Variants in LSAMP observed in about 807,000 individuals in gnomAD.
The protein encoded by LSAMP is limbic system-associated membrane protein.
LSAMP carries 7 observed loss-of-function variants against 38.6 expected under a neutral mutation model. The observed-to-expected ratio is 0.18, with a 90% CI of 0.10 to 0.34. LSAMP has a LOEUF of 0.34. Among genes scored for constraint, LSAMP ranks in the 10% least tolerant of loss-of-function variants. The pLI is 1.00. For synonymous variants in LSAMP, 154 were observed against 166.8 expected (o/e 0.92, Z 0.59); for missense variants, 313 against 420.0 (o/e 0.75, Z 2.23).
chr3:116,259,718 T>G (rs1441466532), intron 1 of LSAMP, among the ~76,000 whole-genome samples: 1 of 152,034 alleles, frequency 6.6e-6, no homozygotes, highest in East Asian at 1.9e-4. Flanking sequence ...CAAAAATATG[T>G]TTATCTCCTA....
intron 1 of LSAMP, among the ~76,000 whole-genome samples, chr3:116,278,478 G>A (rs1206142864): frequency 6.6e-6 from 1 of 152,172 alleles, no homozygotes; most frequent in Non-Finnish European, 1.5e-5. Flanking sequence ...AATTCAGTTG[G>A]GAGAAATAAA....
rs76766646 is a variant in LSAMP at position 115,962,134 on chromosome 3, G to A, written c.514+57381C>T. Among the ~76,000 whole-genome samples the A allele has an allele frequency of 4.0e-3, 605 of 152,238 alleles. 7 individuals carry two copies. The highest frequency in any genetic ancestry group is 0.014 in the African/African-American group (577 of 41,536). ...ACCTTAATGATCGACTTGCCCAACTGCACAGCTGACGTTTGAATTAGAACT... is the reference window on the plus strand; with the variant it reads ...ACCTTAATGATCGACTTGCCCAACTACACAGCTGACGTTTGAATTAGAACT... On this transcript the variant is annotated intron_variant, in intron 3 of 6. Coordinates refer to ENST00000490035, the MANE Select transcript of LSAMP (RefSeq NM_002338.5).
At position 116,177,773 on chromosome 3, in the gene LSAMP, C is replaced by G. The variant is rs191502149; in HGVS notation, c.156-91217G>C. On this transcript the variant is annotated intron_variant, in intron 1 of 6. Coordinates refer to ENST00000490035, the MANE Select transcript of LSAMP (RefSeq NM_002338.5). ...GTCAAACTCAGGAAAAGTAGTCACC[C>G]CTTCATTTAGCATTTATTGAGCACC... Among the ~76,000 whole-genome samples the G allele has an allele frequency of 8.5e-5, 13 of 152,170 alleles. 1 individual carries two copies. In the East Asian group the frequency reaches 2.3e-3, roughly 27 times the overall value.
intron 1 of LSAMP, among the ~76,000 whole-genome samples, chr3:116,430,770 G>C (rs2049270267): frequency 6.6e-6 from 1 of 151,820 alleles, no homozygotes; most frequent in Non-Finnish European, 1.5e-5. Context: ...ATTGATAGGG[G>C]GATACTTAGA....
chr3:116,184,658 G>C (rs990973132), intron 1 of LSAMP, among the ~76,000 whole-genome samples: 2 of 151,894 alleles, frequency 1.3e-5, no homozygotes, highest in African/African-American at 4.8e-5. Context: ...CTTCAGATAC[G>C]ATTGCTTGCT....
chr3:116,221,020 G>C (rs2046277997), intron 1 of LSAMP, among the ~76,000 whole-genome samples: 1 of 151,868 alleles, frequency 6.6e-6, no homozygotes, highest in African/African-American at 2.4e-5. Context: ...CGGCGTGGTG[G>C]CGGGCGCCTG....
At position 116,112,275 on chromosome 3, in the gene LSAMP, TAATA is replaced by T. The variant is rs1419681121; in HGVS notation, c.156-25723_156-25720del. 7.9e-5 allele frequency among the ~76,000 whole-genome samples: 12 copies of T among 152,260 alleles called. No individual in the cohort carries two copies. In the South Asian group the frequency reaches 2.5e-3, roughly 32 times the overall value. On this transcript the variant is annotated intron_variant, in intron 1 of 6. Coordinates refer to ENST00000490035, the MANE Select transcript of LSAMP (RefSeq NM_002338.5). ...TAATCAAAACCAATCATGTTTTTAATAATAAAGAGTATGATTGTGTGCACCTCAA... is the reference window on the plus strand; with the variant it reads ...TAATCAAAACCAATCATGTTTTTAATAAGAGTATGATTGTGTGCACCTCAA...
chr3:116,116,681 C>T (rs972998062), intron 1 of LSAMP, among the ~76,000 whole-genome samples: 1 of 151,840 alleles, frequency 6.6e-6, no homozygotes, highest in African/African-American at 2.4e-5. Flanking sequence ...CGCGCCACTG[C>T]ACTCCAGTCT....
chr3:116,090,915 A>G (rs1168407744), intron 1 of LSAMP, among the ~76,000 whole-genome samples: 1 of 152,182 alleles, frequency 6.6e-6, no homozygotes, highest in Non-Finnish European at 1.5e-5. Context: ...ATTGCTAATG[A>G]AGTTTCGGGC....
At chr3:116,263,537 C>CAA (rs201229887) in intron 1 of LSAMP, among the ~76,000 whole-genome samples, 37 of 111,974 alleles carry the variant, frequency 3.3e-4, no homozygotes, top group East Asian at 1.0e-3. Context: ...GACTTTGTCT[C>CAA]AAAAAAAAAA....
At chr3:116,437,220 A>G (rs1355711835) in intron 1 of LSAMP, among the ~76,000 whole-genome samples, 1 of 151,984 alleles carries the variant, frequency 6.6e-6, no homozygotes, top group Non-Finnish European at 1.5e-5. Context: ...ATGAGGACAC[A>G]AAGGCATAAG....
At chr3:116,239,673 G>A (rs922568113) in intron 1 of LSAMP, among the ~76,000 whole-genome samples, 2 of 152,068 alleles carry the variant, frequency 1.3e-5, no homozygotes, top group Non-Finnish European at 2.9e-5. Flanking sequence ...TAAAAATAGT[G>A]AGCTCTCTAT....
chr3:115,906,311 A>G (rs527294934), intron 3 of LSAMP, among the ~76,000 whole-genome samples: 1 of 152,168 alleles, frequency 6.6e-6, no homozygotes, highest in East Asian at 1.9e-4. Flanking sequence ...TGGTGCTGAG[A>G]TGACACTTGA....
chr3:116,089,502 C>T (rs934678588), intron 1 of LSAMP, among the ~76,000 whole-genome samples: 2 of 152,110 alleles, frequency 1.3e-5, no homozygotes, highest in African/African-American at 2.4e-5. Flanking sequence ...GCACTACAGG[C>T]GCCTGCCACC....
chr3:116,246,725 A>G (rs1193326299), intron 1 of LSAMP, among the ~76,000 whole-genome samples: 1 of 152,174 alleles, frequency 6.6e-6, no homozygotes, highest in African/African-American at 2.4e-5. Flanking sequence ...TTACATCCAA[A>G]GTGATGCATA....
intron 1 of LSAMP, among the ~76,000 whole-genome samples, chr3:116,350,751 A>G (rs1442078815): frequency 1.1e-4 from 17 of 152,014 alleles, no homozygotes; most frequent in Non-Finnish European, 2.5e-4. Flanking sequence ...TTTACTTAAT[A>G]AGAGAAGAAA....
chr3:116,122,907 GC>G (rs1265143486), intron 1 of LSAMP, among the ~76,000 whole-genome samples: 3 of 152,106 alleles, frequency 2.0e-5, no homozygotes, highest in African/African-American at 7.2e-5. Flanking sequence ...GATGCTCCCT[GC>G]CCTTAGAAGG....
chr3:116,110,684 C>T (rs1161786273), intron 1 of LSAMP, among the ~76,000 whole-genome samples: 1 of 152,124 alleles, frequency 6.6e-6, no homozygotes, highest in Non-Finnish European at 1.5e-5. Flanking sequence ...ATTTCTTGGG[C>T]TGGTCGGTCT....
At chr3:116,363,819 T>G (rs1486958124) in intron 1 of LSAMP, among the ~76,000 whole-genome samples, 40 of 149,114 alleles carry the variant, frequency 2.7e-4, no homozygotes, top group African/African-American at 8.5e-4. Flanking sequence ...CAACCCTTCA[T>G]GCTAAAAACT....
Sources: gnomAD v4.1 joint callset for allele counts (sites outside exome capture counted in the v4.1 genomes callset) on GRCh38, gnomAD v4.1.1 for gene constraint, MANE v1.5 for transcripts, NCBI Gene and HGNC (gene_info 2026-07-23, HGNC 2026-07-21) for gene names.